WWOX: variants seen among roughly 807,000 people sequenced by gnomAD.
The protein encoded by WWOX is WW domain-containing oxidoreductase.
In WWOX, 69 loss-of-function variants were observed where a neutral mutation model predicts 46.2. The ratio of observed to expected loss-of-function variants is 1.49; its 90% CI spans 1.23 to 1.82. The LOEUF is 1.82. WWOX is among the 40% of genes most tolerant of loss of function. The pLI, the probability that WWOX is intolerant of heterozygous loss-of-function variation, is 0.00. For synonymous variants in WWOX, 359 were observed against 202.6 expected (o/e 1.77, Z -6.56); for missense variants, 919 against 542.6 (o/e 1.69, Z -6.89).
intron 8 of WWOX, among the ~76,000 whole-genome samples, chr16:78,637,249 C>G (rs990988957): frequency 1.3e-5 from 2 of 152,112 alleles, no homozygotes; most frequent in East Asian, 3.9e-4. Context: ...TGGTGAACTC[C>G]CCCCAACCAA....
chr16:78,399,511 T>C (rs1250425119), intron 6 of WWOX, among the ~76,000 whole-genome samples: 1 of 152,142 alleles, frequency 6.6e-6, no homozygotes, highest in Non-Finnish European at 1.5e-5. Context: ...CTTGGCATTG[T>C]TGGGTTGAAC....
intron 6 of WWOX, among the ~76,000 whole-genome samples, chr16:78,399,277 G>A (rs910057902): frequency 6.6e-6 from 1 of 152,232 alleles, no homozygotes; most frequent in South Asian, 2.1e-4. Context: ...ATAGAATCTT[G>A]AGTTGATACC....
intron 5 of WWOX, among the ~76,000 whole-genome samples, chr16:78,175,760 A>C (rs528092019): frequency 7.9e-5 from 12 of 152,320 alleles, no homozygotes; most frequent in African/African-American, 2.6e-4. Flanking sequence ...TAAGATACCA[A>C]ATGGTTACTG....
In WWOX at chr16:78,916,581, A is replaced by G. The variant is rs531908210; in HGVS notation, c.1057-295027A>G. 2.6e-5 allele frequency among the ~76,000 whole-genome samples: 4 copies of G among 152,348 alleles called. No homozygotes were observed. The South Asian group carries it at 8.3e-4, about 32-fold the overall frequency. On this transcript the variant is annotated intron_variant, in intron 8 of 8. Coordinates refer to ENST00000566780, the MANE Select transcript of WWOX (RefSeq NM_016373.4). ...CTTCTGAGAGAGAAATGAGATACTG[A>G]TAATAATTATACCAAGACAACAGAC...
chr16:78,626,584 C>A (rs1013089694), intron 8 of WWOX, among the ~76,000 whole-genome samples: 1 of 152,178 alleles, frequency 6.6e-6, no homozygotes, highest in Non-Finnish European at 1.5e-5. Flanking sequence ...GACTCTGATT[C>A]ACCTGGTCAA....
chr16:78,383,985 C>G (rs1297708011), intron 5 of WWOX, among the ~76,000 whole-genome samples: 1 of 152,046 alleles, frequency 6.6e-6, no homozygotes, highest in African/African-American at 2.4e-5. Context: ...GCAGGGGAAC[C>G]AAAAGAAAAC....
chr16:78,518,056 C>A (rs16947895), intron 8 of WWOX, among the ~76,000 whole-genome samples: 2 of 151,720 alleles, frequency 1.3e-5, no homozygotes, highest in Admixed American at 1.3e-4. Context: ...TAATTAGATG[C>A]TTGGAGCTTC....
At chr16:78,673,698 CAA>C (rs1041398402) in intron 8 of WWOX, among the ~76,000 whole-genome samples, 2 of 152,182 alleles carry the variant, frequency 1.3e-5, no homozygotes, top group African/African-American at 4.8e-5. Context: ...CCAAACAAGT[CAA>C]GAGACTCATT....
intron 1 of WWOX, among the ~76,000 whole-genome samples, chr16:78,103,076 G>A (rs7191778): frequency 1.3e-5 from 2 of 151,710 alleles, no homozygotes; most frequent in South Asian, 2.1e-4. Context: ...TTGCTCCTGC[G>A]TGCCCCCTGC....
chr16:78,312,465 C>T (rs1048284030), intron 5 of WWOX, among the ~76,000 whole-genome samples: 2 of 150,538 alleles, frequency 1.3e-5, no homozygotes, highest in African/African-American at 4.9e-5. Flanking sequence ...GCAACCTCCA[C>T]CTCCTGTGTT....
intron 8 of WWOX, among the ~76,000 whole-genome samples, chr16:79,033,441 AT>A (rs2047805181): frequency 6.6e-6 from 1 of 151,012 alleles, no homozygotes. Flanking sequence ...GATGTACCAC[AT>A]TTTCTTTATC....
chr16:78,821,366 G>A (rs2051488283), intron 8 of WWOX, among the ~76,000 whole-genome samples: 1 of 152,152 alleles, frequency 6.6e-6, no homozygotes, highest in South Asian at 2.1e-4. Context: ...CACAACAGGT[G>A]TATGTGGCCT....
At chr16:78,652,425 A>AG (rs1360131565) in intron 8 of WWOX, among the ~76,000 whole-genome samples, 23 of 150,124 alleles carry the variant, frequency 1.5e-4, no homozygotes, top group African/African-American at 5.3e-4. Context: ...AAAAAAAAAA[A>AG]AAAAAAGAAA....
At chr16:78,331,727 C>G (rs188940149) in intron 5 of WWOX, among the ~76,000 whole-genome samples, 11 of 152,298 alleles carry the variant, frequency 7.2e-5, no homozygotes, top group Admixed American at 5.9e-4. Flanking sequence ...TTAAATGCCT[C>G]TAGCTGTGTA....
intron 8 of WWOX, among the ~76,000 whole-genome samples, chr16:78,780,694 G>A (rs1167436125): frequency 6.6e-6 from 1 of 152,140 alleles, no homozygotes; most frequent in Non-Finnish European, 1.5e-5. Flanking sequence ...AACAGTCTAG[G>A]CAAGGTGAAC....
At chr16:78,464,934 C>T (rs918787679) in intron 8 of WWOX, among the ~76,000 whole-genome samples, 9 of 152,294 alleles carry the variant, frequency 5.9e-5, no homozygotes, top group East Asian at 1.9e-4. Flanking sequence ...TGAACTCAGT[C>T]GTTTCACCTG....
intron 8 of WWOX, among the ~76,000 whole-genome samples, chr16:79,113,565 T>G (rs778014914): frequency 3.3e-5 from 5 of 152,254 alleles, no homozygotes; most frequent in Non-Finnish European, 7.3e-5. Context: ...AACTTAGGCT[T>G]ACGCCTGGGT....
intron 8 of WWOX, among the ~76,000 whole-genome samples, chr16:78,584,989 A>C (rs1379995118): frequency 6.6e-6 from 1 of 152,212 alleles, no homozygotes; most frequent in Non-Finnish European, 1.5e-5. Flanking sequence ...GGTGCCAAAG[A>C]GGCAGAAAGG....
chr16:78,724,455 C>G (rs1301322475), intron 8 of WWOX, among the ~76,000 whole-genome samples: 1 of 152,132 alleles, frequency 6.6e-6, no homozygotes, highest in Non-Finnish European at 1.5e-5. Flanking sequence ...GCACCCCCAG[C>G]TTTTAGCACA....
Sources: gnomAD v4.1 joint callset for allele counts (sites outside exome capture counted in the v4.1 genomes callset) on GRCh38, gnomAD v4.1.1 for gene constraint, MANE v1.5 for transcripts, NCBI Gene and HGNC (gene_info 2026-07-23, HGNC 2026-07-21) for gene names.